The following ZC4H2 variants were observed in gnomAD, a reference collection of about 807,000 sequenced individuals.
The protein encoded by ZC4H2 is zinc finger C4H2-type containing, also known as zinc finger C4H2 domain-containing protein.
For missense variants in ZC4H2, 137 were observed against 173.9 expected, an observed-to-expected ratio of 0.79 and a Z score of 1.19; for synonymous variants, 84 against 66.3, an observed-to-expected ratio of 1.27 and a Z score of -1.30.
rs1481969378 is a variant in ZC4H2 at position 64,915,899 on chromosome X, A to T, written c.*1884T>A. The T allele has an allele frequency of 8.9e-6, 1 of 112,061 alleles. No homozygotes were observed. The highest frequency in any genetic ancestry group is 3.2e-5 in the African/African-American group (1 of 30,841). 9.2% of individuals were successfully genotyped at this position (112,061 alleles called of 1,213,427 possible). On this transcript the variant is annotated 3_prime_UTR_variant, in exon 5 of 5. Coordinates refer to ENST00000374839, the MANE Select transcript of ZC4H2 (RefSeq NM_018684.4). Reference sequence around the variant, plus strand: ...GAGACAGATTAGTGTACAGGATATTATTTAGAGAGCCCTTGGCCTTTATAT... The same window carrying T: ...GAGACAGATTAGTGTACAGGATATTTTTTAGAGAGCCCTTGGCCTTTATAT...
intron 1 of ZC4H2, among the ~76,000 whole-genome samples, chrX:65,030,796 T>C (rs1932926416): frequency 9.0e-6 from 1 of 111,335 alleles, no homozygotes; most frequent in African/African-American, 3.3e-5. Flanking sequence ...TATCTGATCA[T>C]TCTGGATATC....
chrX:64,982,912 A>G (rs1183983299), intron 1 of ZC4H2, among the ~76,000 whole-genome samples: 1 of 112,638 alleles, frequency 8.9e-6, no homozygotes, highest in Non-Finnish European at 1.9e-5. Flanking sequence ...GGTTGGTTGC[A>G]TTGTAAACAA....
At chrX:64,945,286 T>C (rs1236234403) in intron 1 of ZC4H2, among the ~76,000 whole-genome samples, 2 of 112,644 alleles carry the variant, frequency 1.8e-5, no homozygotes, top group Non-Finnish European at 3.7e-5. Context: ...TTTATGTCGA[T>C]GTTGATGTTA....
chrX:64,932,214 T>A (rs1929788599), intron 1 of ZC4H2, among the ~76,000 whole-genome samples: 1 of 111,496 alleles, frequency 9.0e-6, no homozygotes, highest in African/African-American at 3.3e-5. Flanking sequence ...GTGGAATATT[T>A]TTTACCACCC....
intron 1 of ZC4H2, among the ~76,000 whole-genome samples, chrX:64,945,876 C>A (rs951773213): frequency 1.8e-5 from 2 of 111,120 alleles, no homozygotes; most frequent in African/African-American, 6.6e-5. Flanking sequence ...TTTGTTTACA[C>A]TGTGTGGGGA....
chrX:65,034,377 G>T (rs913039253), intron 1 of ZC4H2, among the ~76,000 whole-genome samples: 19 of 112,078 alleles, frequency 1.7e-4, no homozygotes, highest in African/African-American at 6.2e-4. Flanking sequence ...CATAGTCAGA[G>T]AAGTTATTTA....
chrX:64,946,974 C>A (rs1384670075), intron 1 of ZC4H2, among the ~76,000 whole-genome samples: 1 of 111,305 alleles, frequency 9.0e-6, no homozygotes, highest in African/African-American at 3.3e-5. Flanking sequence ...ATAATGTAAG[C>A]ATTTAGTGCT....
At chrX:65,031,147 T>C (rs1932930154) in intron 1 of ZC4H2, among the ~76,000 whole-genome samples, 1 of 111,801 alleles carries the variant, frequency 8.9e-6, no homozygotes, top group Non-Finnish European at 1.9e-5. Flanking sequence ...TATAGACCTT[T>C]TCCAAACTTT....
chrX:65,002,209 T>C (rs778210933), intron 1 of ZC4H2, among the ~76,000 whole-genome samples: 4 of 112,308 alleles, frequency 3.6e-5, no homozygotes, highest in African/African-American at 6.5e-5. Flanking sequence ...AAAACACTCC[T>C]GAGCAAATGC....
intron 1 of ZC4H2, among the ~76,000 whole-genome samples, chrX:64,929,911 T>A (rs1281265467): frequency 9.0e-6 from 1 of 111,543 alleles, no homozygotes; most frequent in African/African-American, 3.3e-5. Flanking sequence ...TAAAGAATGA[T>A]GATGGTATTT....
intron 1 of ZC4H2, among the ~76,000 whole-genome samples, chrX:64,940,187 G>C (rs993957100): frequency 3.6e-5 from 4 of 111,807 alleles, no homozygotes; most frequent in Non-Finnish European, 7.5e-5. Context: ...TCATATGTTT[G>C]TTGGCCACAT....
At chrX:64,973,272 T>A (rs1480085951) in intron 1 of ZC4H2, among the ~76,000 whole-genome samples, 1 of 110,989 alleles carries the variant, frequency 9.0e-6, no homozygotes, top group African/African-American at 3.3e-5. Flanking sequence ...CTGGAGCATT[T>A]TTTAAAAATT....
chrX:65,024,079 G>A (rs1234220741), intron 1 of ZC4H2, among the ~76,000 whole-genome samples: 1 of 110,153 alleles, frequency 9.1e-6, no homozygotes, highest in Non-Finnish European at 1.9e-5. Context: ...ACACAGTGAG[G>A]GAAACAGTAC....
chrX:64,943,630 T>C (rs781698443), intron 1 of ZC4H2, among the ~76,000 whole-genome samples: 28 of 111,654 alleles, frequency 2.5e-4, no homozygotes, highest in Non-Finnish European at 4.5e-4. Flanking sequence ...GTCTGTTTTA[T>C]CAGAAACTAG....
chrX:64,956,651 A>G (rs747154951), intron 1 of ZC4H2, among the ~76,000 whole-genome samples: 6 of 111,954 alleles, frequency 5.4e-5, no homozygotes, highest in Non-Finnish European at 1.1e-4. Context: ...ATGGGAGGCC[A>G]TTGTTTTGGA....
At chrX:64,993,735 C>G (rs1365855903) in intron 1 of ZC4H2, among the ~76,000 whole-genome samples, 1 of 112,099 alleles carries the variant, frequency 8.9e-6, no homozygotes, top group Non-Finnish European at 1.9e-5. Flanking sequence ...CTACCCTACT[C>G]CCCAAGAGCA....
At chrX:64,976,167 C>A (rs1931940030) in intron 1 of ZC4H2, among the ~76,000 whole-genome samples, 158 bp downstream of exon 1, 1 of 110,983 alleles carries the variant, frequency 9.0e-6, no homozygotes, top group African/African-American at 3.3e-5. Context: ...TCTCTCAACT[C>A]TCCTCAGCGC....
intron 1 of ZC4H2, among the ~76,000 whole-genome samples, chrX:64,930,977 A>G (rs749745742): frequency 5.5e-4 from 62 of 111,849 alleles, no homozygotes; most frequent in Middle Eastern, 4.6e-3. Context: ...TCAGCTGTGA[A>G]TCCACCTGGT....
At chrX:64,991,272 G>C (rs1932302750) in intron 1 of ZC4H2, among the ~76,000 whole-genome samples, 1 of 112,029 alleles carries the variant, frequency 8.9e-6, no homozygotes, top group African/African-American at 3.2e-5. Context: ...TTGTATAAGA[G>C]TTTATTTAGG....
Sources: gnomAD v4.1 joint callset for allele counts (sites outside exome capture counted in the v4.1 genomes callset) on GRCh38, gnomAD v4.1.1 for gene constraint, MANE v1.5 for transcripts, NCBI Gene and HGNC (gene_info 2026-07-23, HGNC 2026-07-21) for gene names.